Variants in PCED1B observed in about 807,000 individuals in gnomAD.
PCED1B encodes the protein PC-esterase domain-containing protein 1B.
For missense variants in PCED1B, 573 were observed against 573.9 expected, an observed-to-expected ratio of 1.00 and a Z score of 0.02; for synonymous variants, 251 against 246.1, an observed-to-expected ratio of 1.02 and a Z score of -0.19.
At chr12:47,159,667 T>C (rs1259479894) in intron 2 of PCED1B, among the ~76,000 whole-genome samples, 1 of 152,184 alleles carries the variant, frequency 6.6e-6, no homozygotes, top group Non-Finnish European at 1.5e-5. Flanking sequence ...TTGCAAATAT[T>C]TTCTCCCATT....
chr12:47,170,419 C>T (rs1023047800), intron 2 of PCED1B, among the ~76,000 whole-genome samples: 19 of 152,288 alleles, frequency 1.2e-4, no homozygotes, highest in Middle Eastern at 3.4e-3. Flanking sequence ...ACCTCCCAGA[C>T]GGGGTGGCGG....
At chr12:47,091,936 G>T (rs748070463) in intron 1 of PCED1B, among the ~76,000 whole-genome samples, 1 of 151,982 alleles carries the variant, frequency 6.6e-6, no homozygotes, top group Non-Finnish European at 1.5e-5. Flanking sequence ...AGTTTTGATT[G>T]TCATAACTTT....
rs575232045 is a variant in PCED1B, at chr12:47,144,003, C to T, written c.-526+39808C>T. On this transcript the variant is annotated intron_variant, in intron 2 of 3. Transcript: ENST00000546455. ...TGGGGCTCTCTGTAGTTACTCCACC[C>T]CTGCAAAAAATTTTTATCAGGGACC... Among the ~76,000 whole-genome samples, 8 of 152,250 alleles carry T rather than the reference C, an allele frequency of 5.3e-5. 1 individual carries two copies. The highest frequency in any genetic ancestry group is 1.7e-4 in the African/African-American group (7 of 41,546).
At position 47,178,743 on chromosome 12, in the gene PCED1B, T is replaced by C. The variant is rs139650980; in HGVS notation, c.-525-37479T>C. Among the ~76,000 whole-genome samples the C allele has an allele frequency of 2.9e-3, 437 of 151,894 alleles. 6 individuals carry two copies. The South Asian group carries it at 0.036, about 12-fold the overall frequency. On this transcript the variant is annotated intron_variant, in intron 2 of 3. Transcript: ENST00000546455. ...TTAGCTGGGCATGGTGGTGAGCACCTGTAATCCCAGCTACTCAGGAGGCTG... is the reference window on the plus strand; with the variant it reads ...TTAGCTGGGCATGGTGGTGAGCACCCGTAATCCCAGCTACTCAGGAGGCTG...
At chr12:47,085,438 G>A (rs960000219) in intron 1 of PCED1B, among the ~76,000 whole-genome samples, 1 of 152,160 alleles carries the variant, frequency 6.6e-6, no homozygotes, top group Non-Finnish European at 1.5e-5. Flanking sequence ...TAGTTGAGAG[G>A]TCACTTTAAT....
intron 2 of PCED1B, among the ~76,000 whole-genome samples, chr12:47,143,153 A>G (rs1948198707): frequency 6.6e-6 from 1 of 152,124 alleles, no homozygotes; most frequent in African/African-American, 2.4e-5. Context: ...ATCAGGAACA[A>G]GGCAAGGATG....
chr12:47,168,228 C>G (rs1393414881), intron 2 of PCED1B, among the ~76,000 whole-genome samples: 1 of 152,110 alleles, frequency 6.6e-6, no homozygotes, highest in African/African-American at 2.4e-5. Context: ...TCTTTTAAGC[C>G]TCCTTCTGTC....
chr12:47,220,085 A>G (rs2692365), intron 3 of PCED1B, among the ~76,000 whole-genome samples: 16,243 of 136,852 alleles, frequency 0.12, 2,028 homozygotes, highest in African/African-American at 0.35. Flanking sequence ...AAAAAAAAAA[A>G]AAAAAGAAGA....
intron 3 of PCED1B, among the ~76,000 whole-genome samples, chr12:47,221,006 TAA>T (rs1943460644): frequency 6.6e-6 from 1 of 152,116 alleles, no homozygotes; most frequent in Non-Finnish European, 1.5e-5. Context: ...TCCCAAGACA[TAA>T]AAAGTTTACA....
At chr12:47,176,536 G>A (rs59784268) in intron 2 of PCED1B, among the ~76,000 whole-genome samples, 2,878 of 152,270 alleles carry the variant, frequency 0.019, 72 homozygotes, top group African/African-American at 0.053. Flanking sequence ...CGCATGCCCC[G>A]TACCTTGTCC....
At chr12:47,214,575 A>AG (rs1453871770) in intron 2 of PCED1B, among the ~76,000 whole-genome samples, 1 of 152,114 alleles carries the variant, frequency 6.6e-6, no homozygotes, top group Admixed American at 6.5e-5. Context: ...TGGGAAGCTG[A>AG]GGTGGGAGGA....
At position 47,235,586 on chromosome 12, in the gene PCED1B, G is replaced by A. The variant is rs1943953766; in HGVS notation, c.523G>A (p.Gly175Ser). Reference protein sequence around the residue: ...AMPVGEEVTGGFLPPKLRRQK... With the variant: ...AMPVGEEVTGSFLPPKLRRQK... ...GCCTGTGGGCGAGGAAGTCACCGGG[G>A]GTTTTCTTCCGCCCAAGCTCCGGCG... The change falls in exon 4 of 4, where the codon GGT (glycine) becomes AGT (serine). Residue 175 changes from glycine (G) to serine (S), a missense_variant. Physicochemically the swap from Gly to Ser is moderately conservative, Grantham distance 56. Transcript: ENST00000546455. 1 of 1,608,540 alleles carries A rather than the reference G, an allele frequency of 6.2e-7. No individual in the cohort carries two copies. The highest frequency in any genetic ancestry group is 1.1e-5 in the South Asian group (1 of 90,518).
At chr12:47,167,505 G>A (rs1941582858) in intron 2 of PCED1B, among the ~76,000 whole-genome samples, 1 of 152,166 alleles carries the variant, frequency 6.6e-6, no homozygotes, top group African/African-American at 2.4e-5. Flanking sequence ...CACCAGAGTT[G>A]TCAGGGGAAA....
intron 2 of PCED1B, among the ~76,000 whole-genome samples, chr12:47,143,727 C>T (rs1039994149): frequency 4.6e-5 from 7 of 151,962 alleles, no homozygotes; most frequent in Admixed American, 2.0e-4. Flanking sequence ...AAAGAAAAAC[C>T]GTAAAATTTA....
Position 47,172,463 on chromosome 12 carries a change from G to A in PCED1B, c.-525-43759G>A, listed in dbSNP as rs1941783834. On this transcript the variant is annotated intron_variant, in intron 2 of 3. Transcript: ENST00000546455. Reference sequence around the variant, plus strand: ...GGCACTCCAGCCTGGGTGACAGGGTGAGACCCTATCTCAAAAAGAAATTCT... The same window carrying A: ...GGCACTCCAGCCTGGGTGACAGGGTAAGACCCTATCTCAAAAAGAAATTCT... Among the ~76,000 whole-genome samples the A allele has an allele frequency of 3.3e-5, 5 of 151,668 alleles. 1 individual carries two copies.
At chr12:47,195,856 G>T (rs367632936) in intron 2 of PCED1B, among the ~76,000 whole-genome samples, 6 of 152,272 alleles carry the variant, frequency 3.9e-5, no homozygotes, top group Non-Finnish European at 8.8e-5. Flanking sequence ...ATAGCAGTCA[G>T]AACTTAATGT....
At chr12:47,171,909 T>TTCTTCTTCTTCC (rs1254596912) in intron 2 of PCED1B, among the ~76,000 whole-genome samples, 5 of 151,894 alleles carry the variant, frequency 3.3e-5, no homozygotes, top group African/African-American at 1.2e-4. Flanking sequence ...CTTCTTCCTC[T>TTCTTCTTCTTCC]TCTTCTTCTT....
At chr12:47,130,431 C>A (rs1396730430) in intron 2 of PCED1B, among the ~76,000 whole-genome samples, 1 of 152,154 alleles carries the variant, frequency 6.6e-6, no homozygotes, top group Non-Finnish European at 1.5e-5. Context: ...AATCCCACCA[C>A]TTTGAGAGGC....
intron 2 of PCED1B, among the ~76,000 whole-genome samples, chr12:47,145,728 G>A (rs907587340): frequency 2.0e-5 from 3 of 152,150 alleles, no homozygotes; most frequent in African/African-American, 7.2e-5. Flanking sequence ...GTCCACTATT[G>A]AGACCTATTA....
Sources: gnomAD v4.1 joint callset for allele counts (sites outside exome capture counted in the v4.1 genomes callset) on GRCh38, gnomAD v4.1.1 for gene constraint, MANE v1.5 for transcripts, NCBI Gene and HGNC (gene_info 2026-07-23, HGNC 2026-07-21) for gene names.